Variants in KITLG observed in about 807,000 individuals in gnomAD.
The protein encoded by KITLG is KIT ligand, also known as c-Kit ligand.
KITLG carries 13 observed loss-of-function variants against 34.1 expected under a neutral mutation model. The observed-to-expected ratio is 0.38, with a 90% CI of 0.25 to 0.61. The LOEUF (loss-of-function observed/expected upper bound fraction) is 0.61. KITLG is among the 20% of genes least tolerant of loss of function. KITLG has a pLI of 0.60. For missense variants in KITLG, 292 were observed against 318.9 expected (o/e 0.92, Z 0.64); for synonymous variants, 110 against 104.0 (o/e 1.06, Z -0.35).
At chr12:88,567,101 T>G (rs1871467402) in intron 1 of KITLG, among the ~76,000 whole-genome samples, 1 of 152,236 alleles carries the variant, frequency 6.6e-6, no homozygotes, top group African/African-American at 2.4e-5. Flanking sequence ...GTGTTTCTAC[T>G]ACATTCTCCT....
intron 1 of KITLG, among the ~76,000 whole-genome samples, chr12:88,571,850 G>A (rs1453171988): frequency 6.6e-6 from 1 of 152,160 alleles, no homozygotes; most frequent in Non-Finnish European, 1.5e-5. Context: ...CTAATGCGCT[G>A]TGGTTAATGC....
intron 6 of KITLG, among the ~76,000 whole-genome samples, chr12:88,512,808 A>G (rs1040704891): frequency 6.6e-6 from 1 of 151,942 alleles, no homozygotes; most frequent in Admixed American, 6.6e-5. Flanking sequence ...AGTACCTGCT[A>G]CATGGAAGAC....
chr12:88,523,006 A>G (rs191380676), intron 3 of KITLG, among the ~76,000 whole-genome samples: 1 of 152,304 alleles, frequency 6.6e-6, no homozygotes, highest in African/African-American at 2.4e-5. Context: ...GAATATTCAT[A>G]AGGAGTATTC....
At chr12:88,526,957 C>A (rs543941084) in intron 3 of KITLG, among the ~76,000 whole-genome samples, 1 of 149,754 alleles carries the variant, frequency 6.7e-6, no homozygotes, top group South Asian at 2.1e-4. Flanking sequence ...AAAACTCCAC[C>A]TCCCAGGTTC....
intron 1 of KITLG, among the ~76,000 whole-genome samples, chr12:88,557,621 C>T (rs1246120115): frequency 6.6e-6 from 1 of 152,088 alleles, no homozygotes; most frequent in Non-Finnish European, 1.5e-5. Context: ...CTAAAAACGC[C>T]ATTTCTCAGA....
At chr12:88,510,574 C>T (rs1869238933) in intron 6 of KITLG, among the ~76,000 whole-genome samples, 1 of 152,138 alleles carries the variant, frequency 6.6e-6, no homozygotes, top group Non-Finnish European at 1.5e-5. Flanking sequence ...GGATTTCTTT[C>T]TCTATCATTT....
chr12:88,524,263 A>C (rs1039573508), intron 3 of KITLG, among the ~76,000 whole-genome samples: 5 of 152,192 alleles, frequency 3.3e-5, no homozygotes, highest in African/African-American at 9.7e-5. Context: ...CTTAATTATA[A>C]TTTCTTTAAA....
At chr12:88,516,199 T>A (rs1592842202) in intron 5 of KITLG, 135 bp downstream of exon 5, 3 of 754,366 alleles carry the variant, frequency 4.0e-6, no homozygotes, top group Non-Finnish European at 6.9e-6. Flanking sequence ...TCTTCTGTGC[T>A]ATTGATATCT....
intron 2 of KITLG, among the ~76,000 whole-genome samples, chr12:88,536,158 A>G (rs370904947): frequency 3.9e-5 from 6 of 152,334 alleles, no homozygotes; most frequent in African/African-American, 1.4e-4. Context: ...TGCATCCAAC[A>G]AAGATCTAAT....
chr12:88,561,670 A>G (rs1048437049), intron 1 of KITLG, among the ~76,000 whole-genome samples: 1 of 152,176 alleles, frequency 6.6e-6, no homozygotes, highest in Non-Finnish European at 1.5e-5. Flanking sequence ...CCAACTCCTA[A>G]TCAAGGCCTA....
intron 1 of KITLG, among the ~76,000 whole-genome samples, chr12:88,547,126 T>C (rs1259418335): frequency 6.6e-6 from 1 of 152,238 alleles, no homozygotes; most frequent in Non-Finnish European, 1.5e-5. Context: ...ACCATTCTTC[T>C]GTAAAATCTT....
At chr12:88,560,558 T>C (rs1001443093) in intron 1 of KITLG, among the ~76,000 whole-genome samples, 2 of 152,196 alleles carry the variant, frequency 1.3e-5, no homozygotes, top group Admixed American at 1.3e-4. Context: ...GCAGGCTCTT[T>C]TCTACCTAGT....
At chr12:88,559,302 C>A (rs41306441) in intron 1 of KITLG, among the ~76,000 whole-genome samples, 1 of 152,198 alleles carries the variant, frequency 6.6e-6, no homozygotes, top group African/African-American at 2.4e-5. Flanking sequence ...GAAGGAAATA[C>A]TCGAGAAGAC....
intron 3 of KITLG, among the ~76,000 whole-genome samples, chr12:88,531,340 G>C (rs1383564756): frequency 6.6e-6 from 1 of 152,096 alleles, no homozygotes; most frequent in Non-Finnish European, 1.5e-5. Context: ...AGACAAACTG[G>C]GGATTAATGA....
chr12:88,554,046 G>A (rs560289503), intron 1 of KITLG, among the ~76,000 whole-genome samples: 2 of 152,162 alleles, frequency 1.3e-5, no homozygotes, highest in African/African-American at 4.8e-5. Context: ...CCTGAACACA[G>A]AGCTTTCCTT....
chr12:88,536,144 AC>A (rs1870309672), intron 2 of KITLG, among the ~76,000 whole-genome samples: 1 of 152,144 alleles, frequency 6.6e-6, no homozygotes, highest in Admixed American at 6.6e-5. Flanking sequence ...ATATTTGTAA[AC>A]TATGCATCCA....
intron 8 of KITLG, among the ~76,000 whole-genome samples, 192 bp from the exon 9 acceptor site, chr12:88,505,427 C>G (rs907807897): frequency 6.6e-6 from 1 of 152,030 alleles, no homozygotes; most frequent in African/African-American, 2.4e-5. Flanking sequence ...GTAGTCTTTC[C>G]AAGTAGTTAA....
intron 1 of KITLG, among the ~76,000 whole-genome samples, chr12:88,570,031 A>G (rs1330634498): frequency 6.6e-6 from 1 of 152,238 alleles, no homozygotes; most frequent in Non-Finnish European, 1.5e-5. Context: ...ATTTAAAACC[A>G]TCTTCCAAAA....
At chr12:88,517,072 T>TA (rs1001345839) in intron 4 of KITLG, among the ~76,000 whole-genome samples, 163 of 152,036 alleles carry the variant, frequency 1.1e-3, no homozygotes, top group African/African-American at 3.7e-3. Flanking sequence ...ATCAGACATA[T>TA]AAAAAAGTTT....
Sources: allele counts gnomAD v4.1 joint callset (sites outside exome capture counted in the v4.1 genomes callset), GRCh38; gene constraint gnomAD v4.1.1; transcripts MANE v1.5; gene names NCBI Gene and HGNC (gene_info 2026-07-23, HGNC 2026-07-21).